Variants in VSTM2B observed in about 807,000 individuals in gnomAD.
VSTM2B encodes the protein V-set and transmembrane domain containing 2B, also known as V-set and transmembrane domain-containing protein 2B.
VSTM2B carries 24 observed loss-of-function variants against 24.0 expected under a neutral mutation model. The ratio of observed to expected loss-of-function variants is 1.00; its 90% CI spans 0.72 to 1.40. The LOEUF is 1.40. VSTM2B is among the 40% of genes most tolerant of loss of function. The pLI, the probability that VSTM2B is intolerant of heterozygous loss-of-function variation, is 0.00. For missense variants in VSTM2B, 399 were observed against 416.4 expected, an observed-to-expected ratio of 0.96 and a Z score of 0.36; for synonymous variants, 226 against 194.4, an observed-to-expected ratio of 1.16 and a Z score of -1.35.
chr19:29,530,527 G>A (rs1381760731), intron 4 of VSTM2B, among the ~76,000 whole-genome samples: 2 of 152,210 alleles, frequency 1.3e-5, no homozygotes, highest in Non-Finnish European at 2.9e-5. Flanking sequence ...GGAGGAGGGG[G>A]CTGCCCTGCC....
At position 29,539,694 on chromosome 19, in the gene VSTM2B, C is replaced by A. The variant is rs17510632; in HGVS notation, c.769+9404C>A. 7.2e-3 allele frequency among the ~76,000 whole-genome samples: 1,101 copies of A among 152,352 alleles called. 11 individuals carry two copies. The highest frequency in any genetic ancestry group is 0.025 in the African/African-American group (1,044 of 41,580). On this transcript the variant is annotated intron_variant, in intron 4 of 4. Coordinates refer to ENST00000335523, the MANE Select transcript of VSTM2B (RefSeq NM_001146339.2). ...TCGCATCCACCCCAGCTTCCCTTTC[C>A]GTGGCTCACTGTGCCCAGAGATTGC...
intron 4 of VSTM2B, among the ~76,000 whole-genome samples, chr19:29,547,137 A>G (rs1315239586): frequency 6.6e-6 from 1 of 152,216 alleles, no homozygotes; most frequent in Admixed American, 6.5e-5. Flanking sequence ...CCCCCGTTAA[A>G]TTTGAATTTC....
At chr19:29,527,630 G>A (rs1252134816) in intron 2 of VSTM2B, among the ~76,000 whole-genome samples, 2 of 152,140 alleles carry the variant, frequency 1.3e-5, no homozygotes, top group East Asian at 3.9e-4. Flanking sequence ...CTCCATTCAC[G>A]CCCAGCCCCT....
intron 4 of VSTM2B, among the ~76,000 whole-genome samples, chr19:29,549,395 G>A (rs559120029): frequency 1.2e-4 from 16 of 128,762 alleles, no homozygotes; most frequent in South Asian, 7.9e-4. Flanking sequence ...AGCACTGGCC[G>A]CAGTGCTGCC....
At chr19:29,546,201 G>A (rs1970150612) in intron 4 of VSTM2B, among the ~76,000 whole-genome samples, 1 of 152,230 alleles carries the variant, frequency 6.6e-6, no homozygotes. Flanking sequence ...AACAGACTGA[G>A]CAAAGGCCTG....
chr19:29,555,754 C>G (rs956104255), intron 4 of VSTM2B, among the ~76,000 whole-genome samples: 4 of 152,052 alleles, frequency 2.6e-5, no homozygotes, highest in Admixed American at 6.5e-5. Context: ...GAAATACAAA[C>G]AACCATCAGA....
chr19:29,559,701 G>T (rs374471687), intron 4 of VSTM2B, among the ~76,000 whole-genome samples: 20 of 152,228 alleles, frequency 1.3e-4, no homozygotes, highest in African/African-American at 4.1e-4. Flanking sequence ...AAGGAAATCC[G>T]CAACCTGAGA....
In VSTM2B at chr19:29,557,671, C is replaced by A. The variant is rs145233645; in HGVS notation, c.770-6175C>A. 6.6e-3 allele frequency among the ~76,000 whole-genome samples: 999 copies of A among 151,304 alleles called. 8 individuals carry two copies. Among genetic ancestry groups the A allele is most frequent in the Middle Eastern group, 0.02 (6 of 294 alleles). ...CTGAGATGGTGCCATTGCACTCCAG[C>A]CTGGGCAACAAGAGCAAAACTCCAT... On this transcript the variant is annotated intron_variant, in intron 4 of 4. Transcript: ENST00000335523.
In VSTM2B at chr19:29,543,912, C is replaced by T. The variant is rs150077905; in HGVS notation, c.769+13622C>T. 7.6e-4 allele frequency among the ~76,000 whole-genome samples: 116 copies of T among 152,270 alleles called. No individual in the cohort carries two copies. In the East Asian group the frequency reaches 0.02, roughly 26 times the overall value. On this transcript the variant is annotated intron_variant, in intron 4 of 4. Coordinates refer to ENST00000335523, the MANE Select transcript of VSTM2B (RefSeq NM_001146339.2). ...CCCAGAGTTTCAGATCTGGAAGGGG[C>T]TCTTAGAGAGCCTAGTGTGAGTGAT...
chr19:29,561,129 T>A (rs1164736491), intron 4 of VSTM2B, among the ~76,000 whole-genome samples: 1 of 151,748 alleles, frequency 6.6e-6, no homozygotes, highest in African/African-American at 2.4e-5. Context: ...CTGGGCAACA[T>A]GATGAAATTC....
At chr19:29,539,712 G>C (rs1969980001) in intron 4 of VSTM2B, among the ~76,000 whole-genome samples, 1 of 152,260 alleles carries the variant, frequency 6.6e-6, no homozygotes, top group Non-Finnish European at 1.5e-5. Flanking sequence ...ACTGTGCCCA[G>C]AGATTGCTAA....
Position 29,526,833 on chromosome 19 carries a change from C to G in VSTM2B, c.82+168C>G. Reference sequence around the variant, plus strand: ...GGGAGAGGCGAGCGGCGAAGGGTCGCCGCAGCAGCAGCGCCGCGCCCGAGT... The same window carrying G: ...GGGAGAGGCGAGCGGCGAAGGGTCGGCGCAGCAGCAGCGCCGCGCCCGAGT... On this transcript the variant is annotated intron_variant, in intron 1 of 4. Coordinates refer to ENST00000335523, the MANE Select transcript of VSTM2B (RefSeq NM_001146339.2). This position sits in a 1 kb window ranked among gnomAD's most constrained non-coding sequence, Gnocchi z 4.1. 1 of 592,320 alleles carries G rather than the reference C, an allele frequency of 1.7e-6. No homozygotes were observed. Among genetic ancestry groups the G allele is most frequent in the South Asian group, 2.8e-5 (1 of 36,248 alleles). 36.7% of individuals were successfully genotyped at this position (592,320 alleles called of 1,614,324 possible).
Position 29,526,559 on chromosome 19 carries a change from G to A in VSTM2B, c.-25G>A. On this transcript the variant is annotated 5_prime_UTR_variant, in exon 1 of 5. Coordinates refer to ENST00000335523, the MANE Select transcript of VSTM2B (RefSeq NM_001146339.2). The surrounding 1 kb of genome is among the most constrained non-coding windows in gnomAD (Gnocchi z 4.1). ...GCCGCCTCTCCGCTCCCGGGCCCCC[G>A]CCGCCACCGCGCCCCCCGCGGGAGA... 1.3e-6 allele frequency: 2 copies of A among 1,495,098 alleles called. No homozygotes were observed. Among genetic ancestry groups the A allele is most frequent in the Non-Finnish European group, 1.8e-6 (2 of 1,126,484 alleles). 92.6% of individuals were successfully genotyped at this position (1,495,098 alleles called of 1,614,324 possible). A position where few individuals can be genotyped will look rare whatever the true frequency, so the allele number is the denominator to read the frequency against.
intron 4 of VSTM2B, among the ~76,000 whole-genome samples, chr19:29,558,499 G>A (rs1018994350): frequency 6.6e-6 from 1 of 152,122 alleles, no homozygotes; most frequent in East Asian, 1.9e-4. Flanking sequence ...AGAAAATGTG[G>A]TGTGTATACA....
intron 4 of VSTM2B, among the ~76,000 whole-genome samples, chr19:29,551,333 A>G (rs935051318): frequency 1.3e-5 from 2 of 152,196 alleles, no homozygotes; most frequent in African/African-American, 4.8e-5. Context: ...ACAAGGCATG[A>G]AATGGCTTGA....
chr19:29,552,654 T>A (rs549473024), intron 4 of VSTM2B, among the ~76,000 whole-genome samples: 108 of 152,326 alleles, frequency 7.1e-4, no homozygotes, highest in African/African-American at 2.5e-3. Flanking sequence ...CTAAGACTAC[T>A]GAGTTCCGGG....
At chr19:29,555,721 G>C (rs1005780134) in intron 4 of VSTM2B, among the ~76,000 whole-genome samples, 3 of 151,948 alleles carry the variant, frequency 2.0e-5, no homozygotes, top group Non-Finnish European at 2.9e-5. Context: ...AATGATAAAG[G>C]AGATATCACT....
chr19:29,534,659 T>C (rs984677567), intron 4 of VSTM2B, among the ~76,000 whole-genome samples: 1 of 149,900 alleles, frequency 6.7e-6, no homozygotes, highest in African/African-American at 2.5e-5. Flanking sequence ...GAGTTTGAAG[T>C]GAGCCGAGAT....
intron 4 of VSTM2B, among the ~76,000 whole-genome samples, chr19:29,531,144 G>T (rs1443747468): frequency 6.6e-6 from 1 of 152,018 alleles, no homozygotes; most frequent in Non-Finnish European, 1.5e-5. Flanking sequence ...AGAAAGGCTT[G>T]CCCAGTGTGC....
Sources: gnomAD v4.1 joint callset for allele counts (sites outside exome capture counted in the v4.1 genomes callset) on GRCh38, gnomAD v4.1.1 for gene constraint, Gnocchi (gnomAD v3.1) non-coding constraint, MANE v1.5 for transcripts, NCBI Gene and HGNC (gene_info 2026-07-23, HGNC 2026-07-21) for gene names.